The following DNAJC1 variants were observed in gnomAD, a reference collection of about 807,000 sequenced individuals.
DNAJC1 encodes dnaJ homolog subfamily C member 1.
A neutral mutation model predicts 76.6 loss-of-function variants in DNAJC1; 58 were observed. The observed-to-expected ratio is 0.76, with a 90% CI of 0.61 to 0.94. DNAJC1 has a LOEUF of 0.94. Among genes scored for constraint, DNAJC1 ranks in the 40% least tolerant of loss-of-function variants. The pLI, the probability that DNAJC1 is intolerant of heterozygous loss-of-function variation, is 0.00. For synonymous variants in DNAJC1, 258 were observed against 267.9 expected, an observed-to-expected ratio of 0.96 and a Z score of 0.36; for missense variants, 689 against 677.3, an observed-to-expected ratio of 1.02 and a Z score of -0.19.
intron 7 of DNAJC1, among the ~76,000 whole-genome samples, chr10:21,895,522 T>C (rs1056670666): frequency 3.3e-5 from 5 of 152,180 alleles, no homozygotes; most frequent in African/African-American, 4.8e-5. Flanking sequence ...TGACTACTTA[T>C]AGTAAAATGC....
intron 1 of DNAJC1, among the ~76,000 whole-genome samples, chr10:21,984,125 A>T (rs1363708412): frequency 6.6e-6 from 1 of 152,196 alleles, no homozygotes; most frequent in Non-Finnish European, 1.5e-5. Context: ...TTTTCTTCTA[A>T]TGTTTTTAAA....
At chr10:21,994,547 G>T (rs1156267490) in intron 1 of DNAJC1, among the ~76,000 whole-genome samples, 1 of 152,112 alleles carries the variant, frequency 6.6e-6, no homozygotes, top group Non-Finnish European at 1.5e-5. Flanking sequence ...CCAGCACTTT[G>T]GGAGGCCGAG....
chr10:21,973,713 C>T (rs868202420), intron 1 of DNAJC1, among the ~76,000 whole-genome samples: 2 of 149,342 alleles, frequency 1.3e-5, no homozygotes, highest in South Asian at 4.3e-4. Context: ...TTTACTAAGG[C>T]TGCATAGTTT....
intron 1 of DNAJC1, among the ~76,000 whole-genome samples, chr10:21,961,676 A>G (rs957533789): frequency 1.3e-5 from 2 of 152,220 alleles, no homozygotes; most frequent in African/African-American, 4.8e-5. Context: ...GCACAGCATT[A>G]TAATTGTACT....
At chr10:21,939,504 C>A (rs1837368066) in intron 1 of DNAJC1, among the ~76,000 whole-genome samples, 1 of 152,042 alleles carries the variant, frequency 6.6e-6, no homozygotes, top group Non-Finnish European at 1.5e-5. Flanking sequence ...TATAGGAGTA[C>A]CATTTTAAAT....
chr10:21,923,009 T>A (rs1166791142), intron 3 of DNAJC1, among the ~76,000 whole-genome samples: 2 of 151,986 alleles, frequency 1.3e-5, no homozygotes, highest in Non-Finnish European at 2.9e-5. Flanking sequence ...TTATCAAATA[T>A]TTTATCACCA....
chr10:21,979,309 C>T (rs1291627102), intron 1 of DNAJC1, among the ~76,000 whole-genome samples: 2 of 151,982 alleles, frequency 1.3e-5, no homozygotes, highest in Non-Finnish European at 2.9e-5. Context: ...ACATTTCCTT[C>T]ATTTTCAAAA....
chr10:21,762,988 T>TG (rs1285856985), intron 10 of DNAJC1, among the ~76,000 whole-genome samples: 1 of 152,222 alleles, frequency 6.6e-6, no homozygotes, highest in Non-Finnish European at 1.5e-5. Context: ...GGAAGTTCAG[T>TG]GGCATGATCT....
Position 21,809,675 on chromosome 10 carries a change from T to C in DNAJC1, c.979-3576A>G, listed in dbSNP as rs140672332. ...GATTGGATGTCTAATAATCTAATTATCTCTTACCCTCAAGTTCTATAAACA... is the reference window on the plus strand; with the variant it reads ...GATTGGATGTCTAATAATCTAATTACCTCTTACCCTCAAGTTCTATAAACA... On this transcript the variant is annotated intron_variant, in intron 8 of 11. Coordinates refer to ENST00000376980, the MANE Select transcript of DNAJC1 (RefSeq NM_022365.4). 5.0e-3 allele frequency among the ~76,000 whole-genome samples: 756 copies of C among 152,108 alleles called. 7 individuals carry two copies. Among genetic ancestry groups the C allele is most frequent in the African/African-American group, 0.017 (704 of 41,504 alleles).
intron 8 of DNAJC1, among the ~76,000 whole-genome samples, chr10:21,857,904 G>C (rs535117898): frequency 6.6e-6 from 1 of 151,924 alleles, no homozygotes; most frequent in African/African-American, 2.4e-5. Context: ...GTTTGTGTGC[G>C]TTCTGGGAGA....
chr10:21,974,182 ACTTTT>A (rs1590074763), intron 1 of DNAJC1, among the ~76,000 whole-genome samples: 1 of 152,148 alleles, frequency 6.6e-6, no homozygotes, highest in African/African-American at 2.4e-5. Flanking sequence ...AGGTCTTAAC[ACTTTT>A]CTTTTCAGTA....
At chr10:21,817,854 A>G (rs766220551) in intron 8 of DNAJC1, among the ~76,000 whole-genome samples, 3 of 152,104 alleles carry the variant, frequency 2.0e-5, no homozygotes, top group Non-Finnish European at 4.4e-5. Context: ...TTCCCCAATC[A>G]ATACCCTTGT....
chr10:21,904,482 T>C (rs1836709823), intron 7 of DNAJC1, 40 bp downstream of exon 7: 1 of 1,238,086 alleles, frequency 8.1e-7, no homozygotes, highest in Non-Finnish European at 1.1e-6. Context: ...AATAATTAAT[T>C]TTATATGACA....
rs369863625 is a variant in DNAJC1, at chr10:21,874,446, A to G, written c.978+7836T>C. Among the ~76,000 whole-genome samples, 67 of 152,090 alleles carry G rather than the reference A, an allele frequency of 4.4e-4. No homozygotes were observed. In the East Asian group the frequency reaches 5.0e-3, roughly 11 times the overall value. On this transcript the variant is annotated intron_variant, in intron 8 of 11. Transcript: ENST00000376980. The stretch of plus-strand genomic sequence containing the variant: ...GACCTGGTCTGTAAAAAAAAAAAAA[A>G]AGAGAGAGATGAGGTACAAAGTACT...
At chr10:21,814,864 A>C (rs1835050139) in intron 8 of DNAJC1, among the ~76,000 whole-genome samples, 1 of 152,180 alleles carries the variant, frequency 6.6e-6, no homozygotes, top group South Asian at 2.1e-4. Context: ...AATGTACGTA[A>C]ATCTATGCAG....
intron 8 of DNAJC1, among the ~76,000 whole-genome samples, chr10:21,876,115 ATT>A (rs774939480): frequency 3.5e-5 from 5 of 143,514 alleles, no homozygotes; most frequent in African/African-American, 5.1e-5. Context: ...AAAAACGTTA[ATT>A]TTTTTTTTTT....
intron 8 of DNAJC1, among the ~76,000 whole-genome samples, chr10:21,852,594 G>C (rs1030649058): frequency 6.6e-6 from 1 of 152,082 alleles, no homozygotes; most frequent in Non-Finnish European, 1.5e-5. Flanking sequence ...TCAGGGTGTG[G>C]AGCAACAGAA....
chr10:21,811,160 G>T (rs1034865553), intron 8 of DNAJC1, among the ~76,000 whole-genome samples: 1 of 152,206 alleles, frequency 6.6e-6, no homozygotes, highest in Non-Finnish European at 1.5e-5. Context: ...AGGAGCTCAC[G>T]GGGTGACCCA....
intron 10 of DNAJC1, among the ~76,000 whole-genome samples, chr10:21,761,681 T>C (rs2131616295): frequency 6.6e-6 from 1 of 152,082 alleles, no homozygotes; most frequent in Middle Eastern, 3.4e-3. Flanking sequence ...GGAGTGTGAG[T>C]GTGTGAACGT....
Sources: gnomAD v4.1 joint callset for allele counts (sites outside exome capture counted in the v4.1 genomes callset) on GRCh38, gnomAD v4.1.1 for gene constraint, MANE v1.5 for transcripts, NCBI Gene and HGNC (gene_info 2026-07-23, HGNC 2026-07-21) for gene names.